RP1L1: variants seen among roughly 807,000 people sequenced by gnomAD.
The protein encoded by RP1L1 is RP1 like 1, also known as retinitis pigmentosa 1-like 1 protein.
RP1L1 carries 27 observed loss-of-function variants against 15.7 expected under a neutral mutation model. The observed-to-expected ratio is 1.72, with a 90% CI of 1.27 to 2.38. The LOEUF is 2.38. Among genes scored for constraint, RP1L1 ranks in the 30% most tolerant of loss-of-function variants. RP1L1 has a pLI of 0.00. For missense variants in RP1L1, 4,798 were observed against 3,075.9 expected (o/e 1.56, Z -13.24); for synonymous variants, 1,813 against 1,276.7 (o/e 1.42, Z -8.96).
chr8:10,647,888 G>T (rs1298813822), intron 1 of RP1L1, among the ~76,000 whole-genome samples: 2 of 152,166 alleles, frequency 1.3e-5, no homozygotes, highest in Non-Finnish European at 2.9e-5. Flanking sequence ...TATGACAATT[G>T]TACATTTAAT....
At chr8:10,648,495 T>C (rs1025911598) in intron 1 of RP1L1, among the ~76,000 whole-genome samples, 1 of 152,156 alleles carries the variant, frequency 6.6e-6, no homozygotes, top group African/African-American at 2.4e-5. Flanking sequence ...GACCCACAGC[T>C]CTGAAACCCA....
chr8:10,609,201 G>A lies in RP1L1; in HGVS notation c.4897C>T (p.Leu1633=), dbSNP rs1797776461. The A allele has an allele frequency of 2.5e-6, 4 of 1,611,042 alleles. No individual in the cohort carries two copies. Among genetic ancestry groups the A allele is most frequent in the Non-Finnish European group, 3.4e-6 (4 of 1,179,982 alleles). The change falls in exon 4 of 4, where the codon CTG becomes TTG. Residue 1633 remains leucine (L), a synonymous_variant. Coordinates refer to ENST00000382483, the MANE Select transcript of RP1L1 (RefSeq NM_178857.6). ...TLGLGPLSFT[L]EDEPALSTAL... Reference sequence around the variant, plus strand: ...GTGCTGAGGGCTGGCTCGTCCTCCAGGGTGAAGGAGAGGGGCCCCAGGCCC... The same window carrying A: ...GTGCTGAGGGCTGGCTCGTCCTCCAAGGTGAAGGAGAGGGGCCCCAGGCCC...
rs1471539279 is a variant in RP1L1, at chr8:10,609,166, C to T, written c.4932G>A (p.Gly1644=). 1 of 1,612,476 alleles carries T rather than the reference C, an allele frequency of 6.2e-7. No homozygotes were observed. The highest frequency in any genetic ancestry group is 1.3e-5 in the African/African-American group (1 of 74,938). Residue 1644 remains glycine (G), a synonymous_variant, in exon 4 of 4, where the codon GGG becomes GGA. Transcript: ENST00000382483. ...EDEPALSTAL[G]SQLGEEAEGE... is the part of the protein sequence containing the mutation. ...CCTCCGCCTCCTCGCCCAGCTGGCT[C>T]CCCAGGGCTGTGCTGAGGGCTGGCT... is the stretch of plus-strand genomic sequence containing the variant.
intron 1 of RP1L1, among the ~76,000 whole-genome samples, chr8:10,647,799 A>G (rs1563141672): frequency 6.6e-6 from 1 of 152,240 alleles, no homozygotes; most frequent in South Asian, 2.1e-4. Flanking sequence ...GCTGCCATGA[A>G]CAAGATGTAC....
chr8:10,631,428 C>G (rs553942046), intron 1 of RP1L1, among the ~76,000 whole-genome samples: 2 of 145,068 alleles, frequency 1.4e-5, no homozygotes, highest in Non-Finnish European at 3.1e-5. Context: ...CACACACATG[C>G]GCGCACACAC....
rs139374902 is a variant in RP1L1, at chr8:10,607,754, C to T, written c.6344G>A (p.Gly2115Asp). The T allele has an allele frequency of 8.1e-4, 1,222 of 1,517,456 alleles. 8 individuals are homozygous for T. In the African/African-American group the frequency reaches 0.017, roughly 21 times the overall value. The allele number at this position is 1,517,456 out of a possible 1,614,324, so 94.0% of individuals were successfully genotyped here. ...CCCTTCAGTCTCTGGGGCCTCTATACCTTCTGCCTTCTGGGCCTCCCCTTC... is the reference window on the plus strand; with the variant it reads ...CCCTTCAGTCTCTGGGGCCTCTATATCTTCTGCCTTCTGGGCCTCCCCTTC... ...EAEGEAQKAE[G>D]IEAPETEGEA... The change falls in exon 4 of 4, where the codon GGT (glycine) becomes GAT (aspartate). Residue 2115 changes from glycine (G) to aspartate (D), a missense_variant. Transcript: ENST00000382483.
chr8:10,651,940 T>A lies in RP1L1; in HGVS notation c.-20+2958A>T, dbSNP rs371317039. Among the ~76,000 whole-genome samples, 120 of 152,228 alleles carry A rather than the reference T, an allele frequency of 7.9e-4. 1 individual carries two copies. The highest frequency in any genetic ancestry group is 2.7e-3 in the African/African-American group (113 of 41,534). ...TATACAGGTGTGCCATTTAAAAAAA[T>A]CTTTTATACTGTATCTGTACTGTTT... On this transcript the variant is annotated intron_variant, in intron 1 of 3. Transcript: ENST00000382483.
Position 10,607,509 on chromosome 8 carries a change from C to G in RP1L1, c.6589G>C (p.Glu2197Gln). Reference protein sequence around the residue: ...GEAQPESEGIEAPEAEGEAQP... With the variant: ...GEAQPESEGIQAPEAEGEAQP... ...GCCTCCCCTTCTGCCTCTGGGGCCT[C>G]TATACCTTCTGACTCTGGCTGGGCC... The change falls in exon 4 of 4, where the codon GAG becomes CAG. Residue 2197 changes from glutamate to glutamine, a missense_variant. By Grantham distance (29) the Glu-to-Gln change is conservative. Coordinates refer to ENST00000382483, the MANE Select transcript of RP1L1 (RefSeq NM_178857.6). 1 of 1,608,130 alleles carries G rather than the reference C, an allele frequency of 6.2e-7. No individual in the cohort carries two copies. The highest frequency in any genetic ancestry group is 1.1e-5 in the South Asian group (1 of 90,604).
chr8:10,648,743 C>T (rs900680518), intron 1 of RP1L1, among the ~76,000 whole-genome samples: 1 of 152,248 alleles, frequency 6.6e-6, no homozygotes, highest in Non-Finnish European at 1.5e-5. Context: ...AAGACCCTGA[C>T]AGAGAACTTA....
At position 10,611,467 on chromosome 8, in the gene RP1L1, G is replaced by A. The variant is rs1351661618; in HGVS notation, c.2631C>T (p.His877=). ...CACCTGGCCCCCGGGCAGTGCTTTG[G>A]TGGCTGCTGCCGGTGCTCCCACAGC... ...SSSCGSTGSS[H]QSTARGPGGS... Residue 877 remains histidine (H), a synonymous_variant, in exon 4 of 4, where the codon CAC becomes CAT. Transcript: ENST00000382483. 26 of 1,570,578 alleles carry A rather than the reference G, an allele frequency of 1.7e-5. No homozygotes were observed. Among genetic ancestry groups the A allele is most frequent in the Non-Finnish European group, 2.2e-5 (25 of 1,160,340 alleles).
intron 1 of RP1L1, among the ~76,000 whole-genome samples, chr8:10,642,149 T>C (rs1275674753): frequency 1.3e-5 from 2 of 152,238 alleles, no homozygotes; most frequent in East Asian, 1.9e-4. Context: ...TATAAATCTA[T>C]AATTAATTAT....
intron 3 of RP1L1, 50 bp downstream of exon 3, chr8:10,616,396 A>T (rs1563127728): frequency 6.2e-7 from 1 of 1,612,974 alleles, no homozygotes; most frequent in Middle Eastern, 1.6e-4. Context: ...AGCCCTACTG[A>T]ACCACCATGC....
chr8:10,613,600 C>CAAAA (rs71203341), intron 3 of RP1L1, among the ~76,000 whole-genome samples: 710 of 62,252 alleles, frequency 0.011, no homozygotes, highest in Middle Eastern at 0.021. Context: ...ACCATCTCTC[C>CAAAA]AAAAAAAAAA....
chr8:10,651,410 A>C (rs1359971782), intron 1 of RP1L1, among the ~76,000 whole-genome samples: 2 of 152,196 alleles, frequency 1.3e-5, no homozygotes, highest in Admixed American at 6.5e-5. Context: ...CAGCAAATTG[A>C]TGCTAAACTA....
Position 10,623,222 on chromosome 8 carries a change from T to C in RP1L1, c.-19-2A>G, listed in dbSNP as rs778612283. 1 of 1,529,702 alleles carries C rather than the reference T, an allele frequency of 6.5e-7. No homozygotes were observed. The highest frequency in any genetic ancestry group is 1.3e-5 in the South Asian group (1 of 77,936). 94.8% of individuals were successfully genotyped at this position (1,529,702 alleles called of 1,614,324 possible). On this transcript the variant is annotated splice_acceptor_variant, in intron 1 of 3. Transcript: ENST00000382483. LOFTEE classifies it low-confidence loss of function (5UTR_SPLICE). ...TTCATGGTGTGGGGGCTCTGGCCGC[T>C]GTAACAGGGCAGAGGAAGAGGGGTC...
chr8:10,622,830 G>C lies in RP1L1; in HGVS notation c.372C>G (p.Pro124=). 2 of 1,613,448 alleles carry C rather than the reference G, an allele frequency of 1.2e-6. No individual in the cohort carries two copies. The highest frequency in any genetic ancestry group is 1.7e-6 in the Non-Finnish European group (2 of 1,179,544). ...CGACATCCCGCAACTGCTGAGCAGT[G>C]GGGTTTCTCTCCTGTGGCCGGCCTG... The part of the protein sequence containing the change: ...SGPGRPQERN[P]TAQQLRDVEG... The change falls in exon 2 of 4, where the codon CCC becomes CCG. Residue 124 remains proline, a synonymous_variant. Transcript: ENST00000382483.
chr8:10,608,336 C>T lies in RP1L1; in HGVS notation c.5762G>A (p.Ser1921Asn), dbSNP rs753181063. Residue 1921 changes from serine (S) to asparagine (N), a missense_variant, in exon 4 of 4, where the codon AGT becomes AAT. By Grantham distance (46) the Ser-to-Asn change is conservative. Transcript: ENST00000382483. ...CCCTTCAGTCTCCAGGGCCTCTACACTTTCTGTCTCTGGCTGGGCCTCCTT... is the reference window on the plus strand; with the variant it reads ...CCCTTCAGTCTCCAGGGCCTCTACATTTTCTGTCTCTGGCTGGGCCTCCTT... ...AEKEAQPETE[S>N]VEALETEGED... 3.1e-6 allele frequency: 5 copies of T among 1,610,532 alleles called. No individual in the cohort carries two copies. Among genetic ancestry groups the T allele is most frequent in the East Asian group, 4.5e-5 (2 of 44,586 alleles).
At position 10,611,582 on chromosome 8, in the gene RP1L1, CG is replaced by C; in HGVS notation, c.2515del (p.Arg839GlyfsTer90). ...CCAGCTAGCCTCAGGGGAGGGTCCC[CG>C]CTGGGCCTCTTGGGCCGGCTGCGTC... ...PGTQPAQEAQ[R>X]GPSPEASWLC... On this transcript the variant is annotated frameshift_variant, in exon 4 of 4. Transcript: ENST00000382483. LOFTEE classifies it low-confidence loss of function (END_TRUNC). 1 of 1,609,800 alleles carries C rather than the reference CG, an allele frequency of 6.2e-7. No individual in the cohort carries two copies. The highest frequency in any genetic ancestry group is 8.5e-7 in the Non-Finnish European group (1 of 1,178,538).
In RP1L1 at chr8:10,623,035, C is replaced by T. The variant is rs776560263; in HGVS notation, c.167G>A (p.Arg56His). 3.1e-5 allele frequency: 50 copies of T among 1,614,034 alleles called. No homozygotes were observed. The Admixed American group carries it at 3.8e-4, about 12-fold the overall frequency. ...GAGGGCGCTGAAGGTCTTAAAGGCG[C>T]GCTGGTGAACGGCCAGGCGGACCCC... is the stretch of plus-strand genomic sequence containing the variant. ...FAGVRLAVHQ[R>H]AFKTFSALMD... Residue 56 changes from arginine to histidine, a missense_variant, in exon 2 of 4, where the codon CGC (arginine) becomes CAC (histidine). Transcript: ENST00000382483.
Sources: gnomAD v4.1 joint callset for allele counts (sites outside exome capture counted in the v4.1 genomes callset) on GRCh38, gnomAD v4.1.1 for gene constraint, MANE v1.5 for transcripts, NCBI Gene and HGNC (gene_info 2026-07-23, HGNC 2026-07-21) for gene names.